FAF2: variants seen among roughly 807,000 people sequenced by gnomAD.
The protein encoded by FAF2 is FAS-associated factor 2.
In FAF2, 9 loss-of-function variants were observed where a neutral mutation model predicts 62.3. The observed-to-expected ratio is 0.14, with a 90% CI of 0.09 to 0.25. The LOEUF (loss-of-function observed/expected upper bound fraction) is 0.25. Among genes scored for constraint, FAF2 ranks in the 10% least tolerant of loss-of-function variants. The pLI is 1.00. For synonymous variants in FAF2, 202 were observed against 198.0 expected, an observed-to-expected ratio of 1.02 and a Z score of -0.17; for missense variants, 368 against 556.2, an observed-to-expected ratio of 0.66 and a Z score of 3.40.
rs1287188332 is a variant in FAF2, at chr5:176,492,174, A to ATT, written c.345-18_345-17dup. The ATT allele has an allele frequency of 6.2e-7, 1 of 1,613,802 alleles. No homozygotes were observed. The highest frequency in any genetic ancestry group is 1.3e-5 in the African/African-American group (1 of 74,882). ...CTGTAGTAAGCTGGATTCATGTGAT[A>ATT]TTTATTCCTTCCTCCCCAGGTTTGC... is the stretch of plus-strand genomic sequence containing the variant. On this transcript the variant is annotated intron_variant, in intron 4 of 10. Transcript: ENST00000261942.
intron 1 of FAF2, among the ~76,000 whole-genome samples, chr5:176,471,673 A>G (rs1053521681): frequency 7.4e-6 from 1 of 135,494 alleles, no homozygotes. Flanking sequence ...ATGAGCCACC[A>G]CGCCCGGCCT....
chr5:176,495,435 A>G (rs1561827208), intron 7 of FAF2, among the ~76,000 whole-genome samples: 1 of 151,858 alleles, frequency 6.6e-6, no homozygotes, highest in African/African-American at 2.4e-5. Context: ...AGTTTATAAA[A>G]TCTCTTATTT....
intron 1 of FAF2, among the ~76,000 whole-genome samples, chr5:176,451,730 T>A (rs919915829): frequency 3.6e-5 from 5 of 139,572 alleles, no homozygotes; most frequent in African/African-American, 1.3e-4. Flanking sequence ...TATATAGATA[T>A]ATATATATGT....
At position 176,494,387 on chromosome 5, in the gene FAF2, C is replaced by G; in HGVS notation, c.661+112C>G. 1 of 851,532 alleles carries G rather than the reference C, an allele frequency of 1.2e-6. No individual in the cohort carries two copies. 52.7% of individuals were successfully genotyped at this position (851,532 alleles called of 1,614,324 possible). A position where few individuals can be genotyped will look rare whatever the true frequency, so the allele number is the denominator to read the frequency against. ...TGTGTTTGTTCTGTGGTAGATACGA[C>G]GCTAGTTGCTATTTTATATTGTCTC... On this transcript the variant is annotated intron_variant, in intron 7 of 10. Transcript: ENST00000261942. The surrounding 1 kb of genome is among the most constrained non-coding windows in gnomAD (Gnocchi z 4.0).
At chr5:176,498,101 C>G (rs2113745170) in intron 8 of FAF2, among the ~76,000 whole-genome samples, 1 of 152,146 alleles carries the variant, frequency 6.6e-6, no homozygotes, top group East Asian at 1.9e-4. Flanking sequence ...CCACTGCACT[C>G]TAGCCTGGGT....
intron 4 of FAF2, among the ~76,000 whole-genome samples, chr5:176,489,292 TC>T (rs3842082): frequency 0.63 from 88,662 of 141,016 alleles, 27,298 homozygotes; most frequent in South Asian, 0.71. Flanking sequence ...TGTCTCCCCC[TC>T]CCCCCCCCAC....
In FAF2 at chr5:176,471,266, A is replaced by G. The variant is rs528363744; in HGVS notation, c.64-7922A>G. Among the ~76,000 whole-genome samples, 16 of 152,274 alleles carry G rather than the reference A, an allele frequency of 1.1e-4. No individual in the cohort carries two copies. In the South Asian group the frequency reaches 1.7e-3, roughly 16 times the overall value. ...GCCTTCTACAATTACTTCATATGCAAACAGGAATGACTTACTTTAAAATGT... is the reference window on the plus strand; with the variant it reads ...GCCTTCTACAATTACTTCATATGCAGACAGGAATGACTTACTTTAAAATGT... On this transcript the variant is annotated intron_variant, in intron 1 of 10. Transcript: ENST00000261942.
At chr5:176,493,464 C>T (rs768770315) in intron 5 of FAF2, among the ~76,000 whole-genome samples, 8 of 152,226 alleles carry the variant, frequency 5.3e-5, no homozygotes, top group South Asian at 4.1e-4. Context: ...CAGGAGTCTT[C>T]GGCGCTAGCC....
chr5:176,493,886 C>G (rs1297010747), intron 5 of FAF2, 113 bp from the exon 6 acceptor site: 1 of 710,220 alleles, frequency 1.4e-6, no homozygotes, highest in East Asian at 2.6e-5. Context: ...ACCTTTTTTC[C>G]TTATTTTTCC....
At chr5:176,461,312 C>CTT (rs60608969) in intron 1 of FAF2, among the ~76,000 whole-genome samples, 9,757 of 70,672 alleles carry the variant, frequency 0.14, 1,584 homozygotes, top group East Asian at 0.3. Flanking sequence ...CTGTGCCCAG[C>CTT]TTTTTTTTTT....
intron 10 of FAF2, among the ~76,000 whole-genome samples, chr5:176,504,648 A>AT (rs1755647639): frequency 6.6e-6 from 1 of 152,158 alleles, no homozygotes; most frequent in Non-Finnish European, 1.5e-5. Flanking sequence ...TGTAAGTCTA[A>AT]TTGATGCATG....
intron 1 of FAF2, among the ~76,000 whole-genome samples, chr5:176,465,524 T>C (rs1758452558): frequency 6.6e-6 from 1 of 151,274 alleles, no homozygotes; most frequent in African/African-American, 2.4e-5. Context: ...CCTGCCACCA[T>C]GCCTGCCTAA....
intron 1 of FAF2, among the ~76,000 whole-genome samples, chr5:176,469,257 T>TA (rs1758519595): frequency 6.6e-6 from 1 of 151,962 alleles, no homozygotes; most frequent in African/African-American, 2.4e-5. Context: ...AAAATAAAAA[T>TA]AAAAAATTGT....
At chr5:176,499,140 A>C (rs1755549734) in intron 9 of FAF2, 55 bp downstream of exon 9, 2 of 1,485,730 alleles carry the variant, frequency 1.3e-6, no homozygotes, top group African/African-American at 2.8e-5. Context: ...AGACTTTGCC[A>C]TCTTGGTCTT....
At chr5:176,467,129 C>CTTTTT (rs374702773) in intron 1 of FAF2, among the ~76,000 whole-genome samples, 7 of 94,042 alleles carry the variant, frequency 7.4e-5, no homozygotes, top group East Asian at 7.0e-4. Context: ...TTTTTTTTTC[C>CTTTTT]TTTTTTTTTT....
chr5:176,455,997 C>T (rs1236273069), intron 1 of FAF2, among the ~76,000 whole-genome samples: 1 of 151,612 alleles, frequency 6.6e-6, no homozygotes, highest in African/African-American at 2.4e-5. Context: ...AAGAGAACTT[C>T]TGTCTTTGTC....
intron 1 of FAF2, 146 bp downstream of exon 1, chr5:176,448,616 AT>A: frequency 1.3e-6 from 1 of 784,832 alleles, no homozygotes; most frequent in Non-Finnish European, 2.0e-6. Context: ...AACTGCCCTG[AT>A]TCCCCCGGCC....
At chr5:176,455,730 C>T (rs1561814901) in intron 1 of FAF2, among the ~76,000 whole-genome samples, 1 of 152,238 alleles carries the variant, frequency 6.6e-6, no homozygotes, top group East Asian at 1.9e-4. Context: ...GCCTGGGTGA[C>T]AGAGTGAGAC....
intron 1 of FAF2, among the ~76,000 whole-genome samples, chr5:176,477,044 G>T (rs1019596151): frequency 1.3e-5 from 2 of 148,680 alleles, no homozygotes; most frequent in Non-Finnish European, 3.0e-5. Context: ...TCCTGACTTC[G>T]TGATCCGCCC....
Sources: allele counts gnomAD v4.1 joint callset (sites outside exome capture counted in the v4.1 genomes callset), GRCh38; gene constraint gnomAD v4.1.1; non-coding constraint Gnocchi (gnomAD v3.1); transcripts MANE v1.5; gene names NCBI Gene and HGNC (gene_info 2026-07-23, HGNC 2026-07-21).